The following NTM variants were observed in gnomAD, a reference collection of about 807,000 sequenced individuals.
NTM encodes the protein IgLON family member 2.
NTM carries 13 observed loss-of-function variants against 42.1 expected under a neutral mutation model. The ratio of observed to expected loss-of-function variants is 0.31; its 90% CI spans 0.20 to 0.49. The LOEUF (loss-of-function observed/expected upper bound fraction) is 0.49. Ranked by LOEUF, NTM falls within the 20% of genes least tolerant of loss-of-function variation. NTM has a pLI of 0.99. For missense variants in NTM, 373 were observed against 452.8 expected, an observed-to-expected ratio of 0.82 and a Z score of 1.60; for synonymous variants, 187 against 179.2, an observed-to-expected ratio of 1.04 and a Z score of -0.35.
At chr11:131,768,429 A>G (rs2085497916) in intron 1 of NTM, among the ~76,000 whole-genome samples, 1 of 152,148 alleles carries the variant, frequency 6.6e-6, no homozygotes, top group Non-Finnish European at 1.5e-5. Context: ...TGAAAATGTA[A>G]TTCAGGACTA....
At chr11:132,033,807 A>C (rs765081384) in intron 2 of NTM, among the ~76,000 whole-genome samples, 1 of 152,148 alleles carries the variant, frequency 6.6e-6, no homozygotes, top group Non-Finnish European at 1.5e-5. Flanking sequence ...AAATCCGGAG[A>C]CTGGATTACG....
chr11:131,426,777 C>A lies in NTM; in HGVS notation c.82+55889C>A, dbSNP rs555200817. 2.0e-5 allele frequency among the ~76,000 whole-genome samples: 3 copies of A among 152,160 alleles called. No individual in the cohort carries two copies. The East Asian group carries it at 5.8e-4, about 29-fold the overall frequency. On this transcript the variant is annotated intron_variant, in intron 1 of 8. Transcript: ENST00000683400. ...CTGTGGCCATTGGGCTTTCTTGGGGCACGAAAGCGGAGGAAGAGCTGGCAT... is the reference window on the plus strand; with the variant it reads ...CTGTGGCCATTGGGCTTTCTTGGGGAACGAAAGCGGAGGAAGAGCTGGCAT...
Position 131,492,272 on chromosome 11 carries a change from G to T in NTM, c.82+121384G>T, listed in dbSNP as rs139078423. On this transcript the variant is annotated intron_variant, in intron 1 of 8. Coordinates refer to ENST00000683400, the MANE Select transcript of NTM (RefSeq NM_001352005.2). ...ACTCTCATTTTGTGAGTGATTAATT[G>T]AAATCTAAAATTGCAAAGTGACTTA... 5.1e-4 allele frequency among the ~76,000 whole-genome samples: 78 copies of T among 152,292 alleles called. No individual in the cohort carries two copies. In the East Asian group the frequency reaches 0.011, roughly 22 times the overall value.
chr11:131,906,724 A>G (rs76708460), intron 1 of NTM, among the ~76,000 whole-genome samples: 2,114 of 152,162 alleles, frequency 0.014, 51 homozygotes, highest in African/African-American at 0.047. Context: ...TCTCTTATAA[A>G]GTTTTATGGG....
chr11:131,764,679 C>A (rs1056786188), intron 1 of NTM, among the ~76,000 whole-genome samples: 2 of 152,146 alleles, frequency 1.3e-5, no homozygotes, highest in Non-Finnish European at 2.9e-5. Flanking sequence ...TAAATACAAT[C>A]ATGTGTGCAA....
At chr11:132,004,892 G>T (rs1292373832) in intron 2 of NTM, among the ~76,000 whole-genome samples, 1 of 152,178 alleles carries the variant, frequency 6.6e-6, no homozygotes, top group Non-Finnish European at 1.5e-5. Flanking sequence ...TTTGAAATAT[G>T]AAATTGCTGA....
At chr11:132,197,502 T>G (rs559722700) in intron 3 of NTM, among the ~76,000 whole-genome samples, 1 of 152,194 alleles carries the variant, frequency 6.6e-6, no homozygotes, top group South Asian at 2.1e-4. Context: ...GTTTATTGAT[T>G]TTTAATTTTT....
intron 1 of NTM, among the ~76,000 whole-genome samples, chr11:131,441,441 G>A (rs1949620062): frequency 1.3e-5 from 2 of 152,152 alleles, no homozygotes; most frequent in Non-Finnish European, 2.9e-5. Flanking sequence ...TAAGGAAGGA[G>A]AAAAGAAATC....
chr11:131,423,029 CAA>C (rs1439450749), intron 1 of NTM, among the ~76,000 whole-genome samples: 1 of 152,284 alleles, frequency 6.6e-6, no homozygotes, highest in African/African-American at 2.4e-5. Flanking sequence ...CTTTGCTACA[CAA>C]AGTGTGGTGC....
At chr11:132,230,091 C>A (rs1419196307) in intron 4 of NTM, among the ~76,000 whole-genome samples, 1 of 152,174 alleles carries the variant, frequency 6.6e-6, no homozygotes, top group Non-Finnish European at 1.5e-5. Flanking sequence ...AAATAAGTTA[C>A]TTAGTAGCTG....
Position 131,474,833 on chromosome 11 carries a change from C to T in NTM, c.82+103945C>T, listed in dbSNP as rs994119727. On this transcript the variant is annotated intron_variant, in intron 1 of 8. Coordinates refer to ENST00000683400, the MANE Select transcript of NTM (RefSeq NM_001352005.2). ...CCACCCAAACCTATCCTCCATACTG[C>T]TCCCAAAGCAATGTTTCCAAAATGT... 2.0e-5 allele frequency among the ~76,000 whole-genome samples: 3 copies of T among 152,166 alleles called. No homozygotes were observed. In the East Asian group the frequency reaches 5.8e-4, roughly 29 times the overall value.
intron 1 of NTM, among the ~76,000 whole-genome samples, chr11:131,611,561 A>G (rs775005442): frequency 1.3e-5 from 2 of 152,230 alleles, no homozygotes; most frequent in Non-Finnish European, 2.9e-5. Context: ...GAAGGAGGAA[A>G]AGCACAAGGA....
At chr11:132,035,400 G>A (rs756705312) in intron 2 of NTM, among the ~76,000 whole-genome samples, 1 of 152,212 alleles carries the variant, frequency 6.6e-6, no homozygotes, top group Non-Finnish European at 1.5e-5. Flanking sequence ...CTAACACCGA[G>A]CAGAATGCTA....
intron 1 of NTM, among the ~76,000 whole-genome samples, chr11:131,394,113 C>T (rs1364177474): frequency 6.6e-6 from 1 of 152,206 alleles, no homozygotes; most frequent in African/African-American, 2.4e-5. Flanking sequence ...ATTTTCCAAT[C>T]AGCTGAAATA....
At chr11:132,178,109 A>T (rs1349469465) in intron 3 of NTM, among the ~76,000 whole-genome samples, 1 of 152,220 alleles carries the variant, frequency 6.6e-6, no homozygotes, top group Non-Finnish European at 1.5e-5. Context: ...TATAGAACAC[A>T]AGCTGATAGA....
intron 3 of NTM, among the ~76,000 whole-genome samples, chr11:132,162,863 G>A (rs1007813429): frequency 3.9e-5 from 6 of 151,944 alleles, no homozygotes; most frequent in Non-Finnish European, 8.8e-5. Flanking sequence ...GTGCTTGGTG[G>A]GGGAGGAGGT....
At chr11:131,990,914 G>A (rs1026071300) in intron 2 of NTM, among the ~76,000 whole-genome samples, 8 of 152,106 alleles carry the variant, frequency 5.3e-5, no homozygotes, top group South Asian at 2.1e-4. Flanking sequence ...TATAGTGAGC[G>A]GGCTCTGAAC....
intron 4 of NTM, among the ~76,000 whole-genome samples, chr11:132,287,209 G>T (rs9888282): frequency 1.5e-4 from 23 of 152,286 alleles, no homozygotes; most frequent in African/African-American, 5.1e-4. Flanking sequence ...GTAAAGCTGA[G>T]TAATTTTCTC....
At chr11:132,131,477 A>G (rs888269613) in intron 2 of NTM, among the ~76,000 whole-genome samples, 1 of 152,216 alleles carries the variant, frequency 6.6e-6, no homozygotes, top group African/African-American at 2.4e-5. Context: ...GGGCTGGCAA[A>G]GGTTATGATG....
Sources: gnomAD v4.1 joint callset for allele counts (sites outside exome capture counted in the v4.1 genomes callset) on GRCh38, gnomAD v4.1.1 for gene constraint, MANE v1.5 for transcripts, NCBI Gene and HGNC (gene_info 2026-07-23, HGNC 2026-07-21) for gene names.